Variants in NPIPB11 observed in about 807,000 individuals in gnomAD.
NPIPB11 encodes nuclear pore complex interacting protein family member B11.
NPIPB11 carries 17 observed loss-of-function variants against 32.8 expected under a neutral mutation model. The observed-to-expected ratio is 0.52, with a 90% CI of 0.35 to 0.78. The LOEUF (loss-of-function observed/expected upper bound fraction) is 0.78, where lower values mean the gene tolerates loss of function less well. Ranked by LOEUF, NPIPB11 falls within the 30% of genes least tolerant of loss-of-function variation. The pLI is 0.01. For synonymous variants in NPIPB11, 209 were observed against 398.4 expected (o/e 0.52, Z 5.66); for missense variants, 537 against 1,000.4 (o/e 0.54, Z 6.25).
chr16:29,405,276 A>T (rs1441450012), upstream of NPIPB11, among the ~76,000 whole-genome samples: 2 of 151,856 alleles, frequency 1.3e-5, no homozygotes, highest in East Asian at 3.9e-4. Context: ...AATGTTATTT[A>T]AAAATCTTCC....
intron 3 of NPIPB11, among the ~76,000 whole-genome samples, chr16:29,392,152 G>C (rs62035600): frequency 1.3e-5 from 2 of 151,860 alleles, no homozygotes; most frequent in Non-Finnish European, 2.9e-5. Context: ...GAGCAACCAC[G>C]TCAATCCCAC....
At chr16:29,402,469 C>T (rs957029061) in intron 2 of NPIPB11, among the ~76,000 whole-genome samples, 29 of 105,300 alleles carry the variant, frequency 2.8e-4, no homozygotes, top group Non-Finnish European at 3.4e-4. Flanking sequence ...CTTTGGGAGG[C>T]CACGGTGGGC....
intron 2 of NPIPB11, chr16:29,397,728 C>A (rs1325167989): frequency 6.1e-6 from 2 of 328,042 alleles, no homozygotes; most frequent in East Asian, 9.5e-5. Context: ...GGACGGGGAC[C>A]GGGCCCGGAT....
intron 3 of NPIPB11, among the ~76,000 whole-genome samples, chr16:29,390,586 A>G (rs1450700825): frequency 1.3e-5 from 2 of 150,912 alleles, no homozygotes; most frequent in South Asian, 2.1e-4. Context: ...TGGGAGGCGG[A>G]GGTTGCAGTG....
chr16:29,389,398 C>G (rs1177655184), intron 5 of NPIPB11, among the ~76,000 whole-genome samples: 10 of 128,920 alleles, frequency 7.8e-5, no homozygotes, highest in African/African-American at 2.4e-4. Flanking sequence ...AAAAGGCTGG[C>G]TGTGGTGGCT....
At chr16:29,396,828 C>T (rs1963865340) in intron 2 of NPIPB11, among the ~76,000 whole-genome samples, 1 of 150,242 alleles carries the variant, frequency 6.7e-6, no homozygotes, top group Non-Finnish European at 1.5e-5. Flanking sequence ...GGTGTATGTA[C>T]TTTCCAAAGT....
chr16:29,401,750 C>T (rs980682524), intron 2 of NPIPB11, among the ~76,000 whole-genome samples: 76 of 152,204 alleles, frequency 5.0e-4, no homozygotes, highest in African/African-American at 7.2e-5. Flanking sequence ...TGAGACTGGC[C>T]ACCCTCTCCT....
intron 2 of NPIPB11, among the ~76,000 whole-genome samples, chr16:29,402,722 CTCTGTGTGTGTGTGTG>C (rs1162681382): frequency 7.0e-5 from 8 of 113,810 alleles, no homozygotes; most frequent in African/African-American, 2.7e-4. Flanking sequence ...CTCTCTCTCT[CTCTGTGTGTGTGTGTG>C]TGTGTGTGTG....
exon 8 of NPIPB11, chr16:29,383,197 TATC>T (rs1963535400): frequency 6.4e-7 from 1 of 1,568,520 alleles, no homozygotes; most frequent in South Asian, 1.1e-5. Context: ...GTCTTGATAT[TATC>T]ATCTGCTGAG....
At chr16:29,405,517 A>G (rs1333048403), upstream of NPIPB11, among the ~76,000 whole-genome samples, 3 of 152,096 alleles carry the variant, frequency 2.0e-5, no homozygotes, top group Non-Finnish European at 2.9e-5. Context: ...ACATTATTAC[A>G]CTTAAACCTG....
At chr16:29,405,627 G>C (rs139928947), upstream of NPIPB11, among the ~76,000 whole-genome samples, 2,991 of 152,202 alleles carry the variant, frequency 0.02, 57 homozygotes, top group Non-Finnish European at 0.031. Flanking sequence ...TAAGTGTGGA[G>C]ACCTTGCATC....
chr16:29,404,670 G>T (rs1361494048), upstream of NPIPB11, among the ~76,000 whole-genome samples: 3 of 151,506 alleles, frequency 2.0e-5, no homozygotes, highest in South Asian at 6.3e-4. Context: ...GGTTTCTGCT[G>T]CATCTGCCTT....
Position 29,393,326 on chromosome 16 carries a change from G to C in NPIPB11, c.249+622C>G, listed in dbSNP as rs375781631. On this transcript the variant is annotated intron_variant, in intron 3 of 7. Transcript: ENST00000524087. The stretch of plus-strand genomic sequence containing the variant: ...TTGTCACCTCGTCCCTATGACCTCA[G>C]AGGAACTTTGTCTCAGGCCAATTGT... Among the ~76,000 whole-genome samples the C allele has an allele frequency of 2.3e-3, 351 of 151,348 alleles. 1 individual carries two copies. Among genetic ancestry groups the C allele is most frequent in the East Asian group, 0.016 (82 of 5,126 alleles).
rs139366479 is a variant in NPIPB11 at position 29,390,421 on chromosome 16, C to A, written c.250-73G>T. ...CGTATAATCCCAGTACTTCGGGAAGCTGAGGCAGGTGGATCACGGGGTCAG... is the reference window on the plus strand; with the variant it reads ...CGTATAATCCCAGTACTTCGGGAAGATGAGGCAGGTGGATCACGGGGTCAG... On this transcript the variant is annotated intron_variant, in intron 3 of 7. Transcript: ENST00000524087. The A allele has an allele frequency of 2.3e-4, 374 of 1,595,292 alleles. 1 individual carries two copies. The East Asian group carries it at 7.1e-3, about 30-fold the overall frequency.
exon 8 of NPIPB11, chr16:29,382,311 G>A: frequency 6.3e-7 from 1 of 1,586,098 alleles, no homozygotes; most frequent in Non-Finnish European, 8.5e-7. Context: ...CAGGTGTCTT[G>A]ATATTATCAT....
intron 2 of NPIPB11, among the ~76,000 whole-genome samples, chr16:29,401,160 C>G (rs1265889359): frequency 1.3e-5 from 2 of 152,098 alleles, no homozygotes; most frequent in Non-Finnish European, 2.9e-5. Context: ...TTTACAACCT[C>G]CAGCCCTAAT....
intron 2 of NPIPB11, among the ~76,000 whole-genome samples, chr16:29,400,893 C>T (rs969273060): frequency 1.3e-5 from 2 of 151,970 alleles, no homozygotes; most frequent in African/African-American, 4.8e-5. Context: ...GTCTGGCTGA[C>T]CACTACCCCC....
In NPIPB11 at chr16:29,402,724, C is replaced by CTCTCTCTCTCTGTG. The variant is rs1449821025; in HGVS notation, c.120+958_120+959insCACAGAGAGAGAGA. On this transcript the variant is annotated intron_variant, in intron 2 of 7. Coordinates refer to ENST00000524087, the Ensembl canonical transcript of NPIPB11. ...TCTCTCTCTCTCTCTCTCTCTCTCTCTGTGTGTGTGTGTGTGTGTGTGTGT... is the reference window on the plus strand; with the variant it reads ...TCTCTCTCTCTCTCTCTCTCTCTCTCTCTCTCTCTCTGTGTGTGTGTGTGTGTGTGTGTGTGTGT... 4.9e-4 allele frequency among the ~76,000 whole-genome samples: 59 copies of CTCTCTCTCTCTGTG among 119,662 alleles called. No individual in the cohort carries two copies. The East Asian group carries it at 5.8e-3, about 12-fold the overall frequency. The allele number at this position is 119,662 out of a possible 152,430, so 78.5% of individuals were successfully genotyped here. A position where few individuals can be genotyped will look rare whatever the true frequency, so the allele number is the denominator to read the frequency against.
chr16:29,405,819 T>A (rs531596790), upstream of NPIPB11, among the ~76,000 whole-genome samples: 1 of 152,312 alleles, frequency 6.6e-6, no homozygotes, highest in Non-Finnish European at 1.5e-5. Context: ...TCATGTGTAA[T>A]CAGGTGGCAA....
Sources: gnomAD v4.1 joint callset for allele counts (sites outside exome capture counted in the v4.1 genomes callset) on GRCh38, gnomAD v4.1.1 for gene constraint, MANE v1.5 for transcripts, NCBI Gene and HGNC (gene_info 2026-07-23, HGNC 2026-07-21) for gene names.